FOXP2: variants seen among roughly 807,000 people sequenced by gnomAD.
The protein encoded by FOXP2 is forkhead box protein P2.
A neutral mutation model predicts 115.8 loss-of-function variants in FOXP2; 12 were observed. The ratio of observed to expected loss-of-function variants is 0.10; its 90% CI spans 0.07 to 0.17. The LOEUF (loss-of-function observed/expected upper bound fraction) is 0.17. Ranked by LOEUF, FOXP2 falls within the 10% of genes least tolerant of loss-of-function variation. FOXP2 has a pLI of 1.00. For missense variants in FOXP2, 629 were observed against 843.5 expected (o/e 0.75, Z 3.15); for synonymous variants, 328 against 297.7 (o/e 1.10, Z -1.05).
chr7:114,511,701 A>C (rs1798087805), intron 2 of FOXP2, among the ~76,000 whole-genome samples: 3 of 152,158 alleles, frequency 2.0e-5, no homozygotes, highest in African/African-American at 7.2e-5. Context: ...TAATAACTTT[A>C]ATGAAGGATA....
chr7:114,086,713 G>T (rs10276237), upstream of FOXP2: 374 of 230,728 alleles, frequency 1.6e-3, 2 homozygotes, highest in African/African-American at 8.5e-3. Flanking sequence ...TCTGCTCCGC[G>T]CTCCTCCCGC....
rs1562960481 is a variant in FOXP2, at chr7:114,496,453, T to C, written c.169-38164T>C. On this transcript the variant is annotated intron_variant, in intron 2 of 16. Transcript: ENST00000350908. ...CTAGAATATGCCAATCAGTGCATTA[T>C]ATGTTCATTGAGTACTCTGGCATTT... is the stretch of plus-strand genomic sequence containing the variant. Among the ~76,000 whole-genome samples the C allele has an allele frequency of 2.6e-5, 4 of 152,200 alleles. No homozygotes were observed. The East Asian group carries it at 7.7e-4, about 29-fold the overall frequency.
chr7:114,583,358 AC>A (rs1270459535), intron 3 of FOXP2, among the ~76,000 whole-genome samples: 6 of 152,112 alleles, frequency 3.9e-5, no homozygotes, highest in Non-Finnish European at 5.9e-5. Context: ...AGCCTGGGCA[AC>A]AGAGTAAGCC....
At chr7:114,353,720 ACTC>A (rs577674883) in intron 2 of FOXP2, among the ~76,000 whole-genome samples, 53 of 151,592 alleles carry the variant, frequency 3.5e-4, no homozygotes, top group African/African-American at 1.3e-3. Context: ...ATGTCTTTCT[ACTC>A]CTCCTCTCTA....
intron 2 of FOXP2, among the ~76,000 whole-genome samples, chr7:114,488,669 A>G (rs1187095428): frequency 2.0e-5 from 3 of 152,196 alleles, no homozygotes; most frequent in Admixed American, 6.5e-5. Context: ...CTTTATCCCA[A>G]CCTATTAATT....
At chr7:114,342,343 A>T (rs1584650650) in intron 2 of FOXP2, among the ~76,000 whole-genome samples, 1 of 151,416 alleles carries the variant, frequency 6.6e-6, no homozygotes, top group Admixed American at 6.6e-5. Context: ...TACCTCTTAA[A>T]TACTTAAACA....
chr7:114,187,840 C>G lies in FOXP2; in HGVS notation c.-102+24752C>G, dbSNP rs142290250. On this transcript the variant is annotated intron_variant, in intron 1 of 17. Transcript: ENST00000634411. Reference sequence around the variant, plus strand: ...GGCTCAAAATATTAATATCAGGGTGCCAACCTCTCACAAGGGCTTTCTTGC... The same window carrying G: ...GGCTCAAAATATTAATATCAGGGTGGCAACCTCTCACAAGGGCTTTCTTGC... 4.6e-3 allele frequency among the ~76,000 whole-genome samples: 697 copies of G among 152,138 alleles called. 6 individuals carry two copies. Among genetic ancestry groups the G allele is most frequent in the African/African-American group, 0.016 (661 of 41,496 alleles).
chr7:114,382,324 G>A (rs546151638), intron 2 of FOXP2, among the ~76,000 whole-genome samples: 13 of 152,266 alleles, frequency 8.5e-5, no homozygotes, highest in African/African-American at 2.9e-4. Context: ...CGCTTGCCCC[G>A]GGCACCCTCA....
At chr7:114,523,151 AT>A (rs1411355253) in intron 2 of FOXP2, among the ~76,000 whole-genome samples, 4 of 152,068 alleles carry the variant, frequency 2.6e-5, no homozygotes, top group African/African-American at 4.8e-5. Context: ...ACCCTGTAAA[AT>A]TTGTAAATTG....
chr7:114,469,140 G>T (rs1795935692), intron 2 of FOXP2, among the ~76,000 whole-genome samples: 2 of 152,040 alleles, frequency 1.3e-5, no homozygotes, highest in Admixed American at 1.3e-4. Flanking sequence ...GAGAGAATCA[G>T]AGCTGTCCCC....
At chr7:114,228,745 T>A (rs568026138) in intron 1 of FOXP2, among the ~76,000 whole-genome samples, 2 of 151,032 alleles carry the variant, frequency 1.3e-5, no homozygotes, top group East Asian at 3.9e-4. Context: ...AAAATACCTA[T>A]AGAAGGTATA....
intron 3 of FOXP2, among the ~76,000 whole-genome samples, chr7:114,623,248 A>G (rs1804349256): frequency 6.6e-6 from 1 of 151,972 alleles, no homozygotes; most frequent in Non-Finnish European, 1.5e-5. Flanking sequence ...CTAATGAACA[A>G]TGGTGCAGAT....
intron 16 of FOXP2, among the ~76,000 whole-genome samples, chr7:114,686,137 T>A (rs542071165): frequency 1.6e-4 from 24 of 152,266 alleles, no homozygotes; most frequent in African/African-American, 5.8e-4. Context: ...TAAGTTTTTT[T>A]TATACTATAG....
intron 2 of FOXP2, among the ~76,000 whole-genome samples, chr7:114,353,001 C>A (rs1791530716): frequency 6.6e-6 from 1 of 152,074 alleles, no homozygotes; most frequent in South Asian, 2.1e-4. Context: ...CTTACCCTGT[C>A]TGTAATGAGA....
intron 2 of FOXP2, among the ~76,000 whole-genome samples, chr7:114,338,763 C>T (rs917411989): frequency 1.7e-3 from 255 of 148,812 alleles, no homozygotes; most frequent in Middle Eastern, 0.01. Context: ...CACACACACA[C>T]ACACACACAC....
chr7:114,548,380 G>A (rs967975029), intron 3 of FOXP2, among the ~76,000 whole-genome samples: 1 of 152,088 alleles, frequency 6.6e-6, no homozygotes, highest in African/African-American at 2.4e-5. Flanking sequence ...AACAAAGTTG[G>A]GGCTCTTTTG....
At chr7:114,399,114 C>CTTTTTTTTT (rs66789053) in intron 2 of FOXP2, among the ~76,000 whole-genome samples, 1 of 141,408 alleles carries the variant, frequency 7.1e-6, no homozygotes. Context: ...TTTTCTTTTT[C>CTTTTTTTTT]TTTTTTTTTT....
intron 2 of FOXP2, among the ~76,000 whole-genome samples, chr7:114,439,143 C>G (rs1042628080): frequency 6.6e-6 from 1 of 152,086 alleles, no homozygotes; most frequent in African/African-American, 2.4e-5. Flanking sequence ...TTAAATTTTT[C>G]TCATTCCAAG....
chr7:114,128,881 C>G (rs1791797830), intron 1 of FOXP2, among the ~76,000 whole-genome samples: 1 of 152,154 alleles, frequency 6.6e-6, no homozygotes, highest in Non-Finnish European at 1.5e-5. Context: ...TAAAGACTCT[C>G]TAGTATTCTG....
Sources: gnomAD v4.1 joint callset for allele counts (sites outside exome capture counted in the v4.1 genomes callset) on GRCh38, gnomAD v4.1.1 for gene constraint, MANE v1.5 for transcripts, NCBI Gene and HGNC (gene_info 2026-07-23, HGNC 2026-07-21) for gene names.